R3HDM2: variants seen among roughly 807,000 people sequenced by gnomAD.
R3HDM2 encodes R3H domain containing 2.
In R3HDM2, 38 loss-of-function variants were observed where a neutral mutation model predicts 124.5. The observed-to-expected ratio is 0.31, with a 90% CI of 0.24 to 0.40. R3HDM2 has a LOEUF of 0.40. Ranked by LOEUF, R3HDM2 falls within the 10% of genes least tolerant of loss-of-function variation. The probability of loss-of-function intolerance (pLI) is 1.00; values close to 1 mark genes in which losing one functional copy is unlikely to be tolerated. For synonymous variants in R3HDM2, 391 were observed against 448.0 expected, an observed-to-expected ratio of 0.87 and a Z score of 1.61; for missense variants, 869 against 1,236.9, an observed-to-expected ratio of 0.70 and a Z score of 4.46.
chr12:57,428,486 CGGGTATGGTGGG>C (rs1157064703), intron 1 of R3HDM2, among the ~76,000 whole-genome samples: 1 of 42,478 alleles, frequency 2.4e-5, no homozygotes, highest in African/African-American at 8.7e-5. Context: ...AAACATTAGC[CGGGTATGGTGGG>C]GGGTGTGGTG....
At chr12:57,311,991 T>C (rs1040197781) in intron 2 of R3HDM2, among the ~76,000 whole-genome samples, 3 of 152,236 alleles carry the variant, frequency 2.0e-5, no homozygotes, top group African/African-American at 7.2e-5. Context: ...CAAACATGTT[T>C]AGCTACAACA....
intron 3 of R3HDM2, among the ~76,000 whole-genome samples, chr12:57,309,143 A>C (rs752544290): frequency 3.9e-5 from 6 of 152,380 alleles, no homozygotes; most frequent in Non-Finnish European, 5.9e-5. Flanking sequence ...TCTTTAAAGA[A>C]GACAAACCTT....
In R3HDM2 at chr12:57,296,405, C is replaced by T. The variant is rs1358052069; in HGVS notation, c.701+6G>A. ...AGTCTTCCCAAACCATGGTTTCCTC[C>T]CTTACATTCTTGTGTTACTAGTTTT... On this transcript the variant is annotated splice_donor_region_variant and intron_variant, in intron 9 of 23. Coordinates refer to ENST00000402412, the MANE Select transcript of R3HDM2 (RefSeq NM_001394031.1). This position sits in a 1 kb window ranked among gnomAD's most constrained non-coding sequence, Gnocchi z 4.5. 1 of 1,552,156 alleles carries T rather than the reference C, an allele frequency of 6.4e-7. No homozygotes were observed. The highest frequency in any genetic ancestry group is 2.4e-5 in the East Asian group (1 of 40,912).
In R3HDM2 at chr12:57,364,951, T is replaced by TC. The variant is rs1398683115; in HGVS notation, c.-36+30797dup. Reference sequence around the variant, plus strand: ...CTGGGTGACAGAGTGAGACTCCATCTCAAAAAAAAAAAAAAAAAAAAGGAC... The same window carrying TC: ...CTGGGTGACAGAGTGAGACTCCATCTCCAAAAAAAAAAAAAAAAAAAAGGAC... On this transcript the variant is annotated intron_variant, in intron 2 of 23. Coordinates refer to ENST00000402412, the MANE Select transcript of R3HDM2 (RefSeq NM_001394031.1). 2.1e-3 allele frequency among the ~76,000 whole-genome samples: 177 copies of TC among 85,454 alleles called. No individual in the cohort carries two copies. The Middle Eastern group carries it at 0.045, about 22-fold the overall frequency. The allele number at this position is 85,454 out of a possible 152,430, so 56.1% of individuals were successfully genotyped here.
chr12:57,270,398 T>G (rs905905530), intron 14 of R3HDM2, among the ~76,000 whole-genome samples: 1 of 33,046 alleles, frequency 3.0e-5, no homozygotes, highest in African/African-American at 9.0e-5. Context: ...AATTCTTATT[T>G]TGTTTTGTTT....
intron 21 of R3HDM2, 145 bp downstream of exon 21, chr12:57,257,845 C>G: frequency 1.1e-6 from 1 of 874,106 alleles, no homozygotes; most frequent in South Asian, 4.3e-5. Context: ...AAGGCCTATA[C>G]AGGGATGTTA....
chr12:57,429,056 G>A (rs768687586), intron 1 of R3HDM2, among the ~76,000 whole-genome samples: 1 of 152,082 alleles, frequency 6.6e-6, no homozygotes, highest in Non-Finnish European at 1.5e-5. Context: ...AGTCAGGCAT[G>A]CTATTTTTAT....
chr12:57,319,226 G>A (rs1012224459), intron 2 of R3HDM2, among the ~76,000 whole-genome samples: 2 of 152,090 alleles, frequency 1.3e-5, no homozygotes, highest in Admixed American at 1.3e-4. Flanking sequence ...AGTAGAGAAG[G>A]GGTTTCACCA....
chr12:57,402,599 T>C (rs2068139619), intron 1 of R3HDM2, among the ~76,000 whole-genome samples: 1 of 151,832 alleles, frequency 6.6e-6, no homozygotes, highest in South Asian at 2.1e-4. Flanking sequence ...CGAAACCCCA[T>C]CTCTACTAAA....
At chr12:57,390,191 A>G (rs1462933780) in intron 2 of R3HDM2, among the ~76,000 whole-genome samples, 1 of 151,064 alleles carries the variant, frequency 6.6e-6, no homozygotes, top group Non-Finnish European at 1.5e-5. Flanking sequence ...AAAAGAAAGA[A>G]AGAAAAAAAG....
intron 1 of R3HDM2, among the ~76,000 whole-genome samples, chr12:57,428,359 C>T (rs978523324): frequency 2.0e-5 from 3 of 152,054 alleles, no homozygotes; most frequent in South Asian, 2.1e-4. Context: ...TGGCTGGGCG[C>T]GGTGGCTCAT....
intron 1 of R3HDM2, among the ~76,000 whole-genome samples, chr12:57,404,324 A>T (rs1339837926): frequency 2.7e-5 from 4 of 149,932 alleles, no homozygotes; most frequent in African/African-American, 9.7e-5. Context: ...TCAGCCTCCC[A>T]AAGTGCTAGG....
chr12:57,333,532 A>G (rs2058464924), intron 2 of R3HDM2, among the ~76,000 whole-genome samples: 1 of 151,904 alleles, frequency 6.6e-6, no homozygotes, highest in Non-Finnish European at 1.5e-5. Flanking sequence ...TCTACTAAAA[A>G]TACAAAAAAA....
At chr12:57,366,078 G>A (rs1013087429) in intron 2 of R3HDM2, among the ~76,000 whole-genome samples, 4 of 152,026 alleles carry the variant, frequency 2.6e-5, no homozygotes, top group African/African-American at 9.7e-5. Flanking sequence ...ACTTTTCTGA[G>A]ACTCCAATTA....
chr12:57,404,105 C>T (rs1259590765), intron 1 of R3HDM2, among the ~76,000 whole-genome samples: 11 of 52,974 alleles, frequency 2.1e-4, no homozygotes, highest in Non-Finnish European at 2.9e-4. Flanking sequence ...GCTCTTGTTG[C>T]CCAGGCTGGA....
intron 2 of R3HDM2, among the ~76,000 whole-genome samples, chr12:57,389,768 C>T (rs527306174): frequency 1.3e-5 from 2 of 152,192 alleles, no homozygotes; most frequent in South Asian, 4.1e-4. Context: ...AGAAAAAAAG[C>T]ATATGATAAC....
At chr12:57,359,570 G>A (rs1026078699) in intron 2 of R3HDM2, among the ~76,000 whole-genome samples, 5 of 152,142 alleles carry the variant, frequency 3.3e-5, no homozygotes, top group African/African-American at 4.8e-5. Context: ...CTTTTAGTCT[G>A]TGTATTGAAA....
chr12:57,388,500 A>C (rs1260207866), intron 2 of R3HDM2, among the ~76,000 whole-genome samples: 1 of 152,226 alleles, frequency 6.6e-6, no homozygotes, highest in South Asian at 2.1e-4. Flanking sequence ...GGATTCTATA[A>C]GATGGTGCTT....
chr12:57,421,905 T>C (rs2070242799), intron 1 of R3HDM2, among the ~76,000 whole-genome samples: 1 of 152,000 alleles, frequency 6.6e-6, no homozygotes, highest in Non-Finnish European at 1.5e-5. Context: ...ACGACCAACC[T>C]GACCAACATG....
Sources: allele counts gnomAD v4.1 joint callset (sites outside exome capture counted in the v4.1 genomes callset), GRCh38; gene constraint gnomAD v4.1.1; non-coding constraint Gnocchi (gnomAD v3.1); transcripts MANE v1.5; gene names NCBI Gene and HGNC (gene_info 2026-07-23, HGNC 2026-07-21).